FARP1: variants seen among roughly 807,000 people sequenced by gnomAD.
FARP1 encodes FERM, ARHGEF and pleckstrin domain-containing protein 1.
A neutral mutation model predicts 128.8 loss-of-function variants in FARP1; 52 were observed. The observed-to-expected ratio is 0.40, with a 90% confidence interval of 0.32 to 0.51. The LOEUF is 0.51. Ranked by LOEUF, FARP1 falls within the 20% of genes least tolerant of loss-of-function variation. The probability of loss-of-function intolerance (pLI) is 0.45; values close to 1 mark genes in which losing one functional copy is unlikely to be tolerated. For missense variants in FARP1, 1,333 were observed against 1,367.9 expected (o/e 0.97, Z 0.40); for synonymous variants, 580 against 551.8 (o/e 1.05, Z -0.72).
chr13:98,444,465 A>G (rs1262336231), intron 24 of FARP1, among the ~76,000 whole-genome samples: 1 of 152,138 alleles, frequency 6.6e-6, no homozygotes, highest in African/African-American at 2.4e-5. Flanking sequence ...CCTCTCGTGA[A>G]GGCAGTGAAT....
intron 1 of FARP1, among the ~76,000 whole-genome samples, chr13:98,159,935 A>G (rs1876761557): frequency 6.6e-6 from 1 of 152,234 alleles, no homozygotes; most frequent in Non-Finnish European, 1.5e-5. Flanking sequence ...GTCAATCACC[A>G]GACGATTTCA....
chr13:98,181,896 A>G (rs1269087194), intron 1 of FARP1, among the ~76,000 whole-genome samples: 1 of 152,148 alleles, frequency 6.6e-6, no homozygotes, highest in Non-Finnish European at 1.5e-5. Flanking sequence ...AATAAAATAG[A>G]CTTGAATTAA....
At chr13:98,385,413 A>C (rs940850410) in intron 7 of FARP1, among the ~76,000 whole-genome samples, 20 of 140,758 alleles carry the variant, frequency 1.4e-4, no homozygotes, top group Non-Finnish European at 1.7e-4. Context: ...GATTCCAAAA[A>C]AAACAAAAAA....
At chr13:98,259,976 A>G (rs1883796597) in intron 2 of FARP1, among the ~76,000 whole-genome samples, 1 of 150,292 alleles carries the variant, frequency 6.7e-6, no homozygotes, top group African/African-American at 2.4e-5. Flanking sequence ...TGTTGATAAA[A>G]CAAGGGAATC....
chr13:98,385,497 C>T (rs1890061482), intron 7 of FARP1, among the ~76,000 whole-genome samples, 170 bp from the exon 8 acceptor site: 1 of 152,172 alleles, frequency 6.6e-6, no homozygotes, highest in Non-Finnish European at 1.5e-5. Flanking sequence ...GTCCTAGCTG[C>T]TAGACTTTGG....
chr13:98,188,242 C>G (rs929164005), intron 1 of FARP1, among the ~76,000 whole-genome samples: 1 of 152,066 alleles, frequency 6.6e-6, no homozygotes. Context: ...AAGAAAGAAG[C>G]CTTCATAAAT....
At chr13:98,390,580 G>A (rs1890268575) in intron 10 of FARP1, 1 of 505,404 alleles carries the variant, frequency 2.0e-6, no homozygotes, top group Admixed American at 3.6e-5. Context: ...GTTATCAAGT[G>A]GGCTTAGTTA....
intron 3 of FARP1, among the ~76,000 whole-genome samples, chr13:98,363,890 C>T (rs546867279): frequency 7.2e-5 from 11 of 152,138 alleles, no homozygotes; most frequent in Middle Eastern, 3.4e-3. Context: ...TACAGGTGCC[C>T]GCCACTGTGC....
rs200285750 is a variant in FARP1 at position 98,431,230 on chromosome 13, G to C, written c.2093G>C (p.Arg698Pro). ...ATGCACTACAAGCAGGTCCTGGAGC[G>C]GCTGTGCAAACACCACCCGCCGAGC... is the stretch of plus-strand genomic sequence containing the variant. ...RLMHYKQVLE[R>P]LCKHHPPSHA... Residue 698 changes from arginine to proline, a missense_variant, in exon 18 of 27, where the codon CGG becomes CCG. Arg to Pro is a moderately radical substitution (Grantham distance 103, BLOSUM62 -2). Around this residue, in one of 2 missense-constraint regions of FARP1, gnomAD observed 1,009 missense variants for 969.8 expected, o/e 1.04. Coordinates refer to ENST00000319562, the MANE Select transcript of FARP1 (RefSeq NM_005766.4). 3.8e-6 allele frequency: 6 copies of C among 1,588,594 alleles called. No homozygotes were observed. In the Admixed American group the frequency reaches 5.3e-5, roughly 14 times the overall value.
At chr13:98,295,383 G>A (rs1012374020) in intron 2 of FARP1, among the ~76,000 whole-genome samples, 30 of 152,112 alleles carry the variant, frequency 2.0e-4, no homozygotes, top group Admixed American at 8.5e-4. Flanking sequence ...GAGGATGAAG[G>A]GGCAGTGGAC....
chr13:98,191,657 A>C (rs1194215289), intron 1 of FARP1, among the ~76,000 whole-genome samples: 1 of 152,172 alleles, frequency 6.6e-6, no homozygotes, highest in African/African-American at 2.4e-5. Context: ...AGTTAAATAA[A>C]TTTGGCCAGG....
At chr13:98,380,431 A>T (rs1206115467) in intron 6 of FARP1, among the ~76,000 whole-genome samples, 1 of 152,072 alleles carries the variant, frequency 6.6e-6, no homozygotes, top group African/African-American at 2.4e-5. Flanking sequence ...TGTCTAAAAA[A>T]AAAAAAAGAA....
At chr13:98,312,219 C>T (rs559945479) in intron 2 of FARP1, among the ~76,000 whole-genome samples, 2 of 141,880 alleles carry the variant, frequency 1.4e-5, no homozygotes, top group East Asian at 4.7e-4. Flanking sequence ...TGGCTCACTG[C>T]AAGCTCCACC....
At chr13:98,442,225 A>G (rs1165370557) in intron 24 of FARP1, among the ~76,000 whole-genome samples, 1 of 152,224 alleles carries the variant, frequency 6.6e-6, no homozygotes, top group East Asian at 1.9e-4. Context: ...AGAGTGTCAC[A>G]TAAGAGACTC....
chr13:98,443,946 T>A (rs1328959102), intron 24 of FARP1, among the ~76,000 whole-genome samples: 2 of 10,756 alleles, frequency 1.9e-4, no homozygotes, highest in Admixed American at 2.2e-3. Context: ...CCCCGTGGCG[T>A]CACTCGGCAC....
intron 2 of FARP1, among the ~76,000 whole-genome samples, chr13:98,250,797 C>A (rs537615325): frequency 3.1e-4 from 47 of 152,108 alleles, no homozygotes; most frequent in Non-Finnish European, 5.3e-4. Context: ...ACTTTTAACC[C>A]CCATCCCTTA....
At chr13:98,402,208 A>T (rs1391400785) in intron 13 of FARP1, 1 of 152,392 alleles carries the variant, frequency 6.6e-6, no homozygotes, top group East Asian at 1.9e-4. Context: ...CAGCAATTGC[A>T]GAATGTTGAG....
intron 2 of FARP1, among the ~76,000 whole-genome samples, chr13:98,221,618 AG>A (rs1881419113): frequency 1.3e-5 from 2 of 152,130 alleles, no homozygotes; most frequent in African/African-American, 4.8e-5. Flanking sequence ...TTGAAAATTG[AG>A]GGGGTTGCAC....
intron 17 of FARP1, among the ~76,000 whole-genome samples, chr13:98,428,550 G>T (rs13378468): frequency 6.6e-6 from 1 of 152,134 alleles, no homozygotes; most frequent in African/African-American, 2.4e-5. Flanking sequence ...AACTGACAGC[G>T]CAAAGCCCTC....
Sources: gnomAD v4.1 joint callset for allele counts (sites outside exome capture counted in the v4.1 genomes callset) on GRCh38, gnomAD v4.1.1 for gene constraint, gnomAD v4.1.1 regional missense constraint, MANE v1.5 for transcripts, NCBI Gene and HGNC (gene_info 2026-07-23, HGNC 2026-07-21) for gene names.